WHRN: variants seen among roughly 807,000 people sequenced by gnomAD.
The protein encoded by WHRN is CASK-interacting protein CIP98.
A neutral mutation model predicts 68.3 loss-of-function variants in WHRN; 41 were observed. The observed-to-expected ratio is 0.60, with a 90% CI of 0.47 to 0.78. The LOEUF (loss-of-function observed/expected upper bound fraction) is 0.78, where lower values mean the gene tolerates loss of function less well. Among genes scored for constraint, WHRN ranks in the 30% least tolerant of loss-of-function variants. WHRN has a pLI of 0.00. For missense variants in WHRN, 1,243 were observed against 1,244.7 expected, an observed-to-expected ratio of 1.00 and a Z score of 0.02; for synonymous variants, 560 against 561.3, an observed-to-expected ratio of 1.00 and a Z score of 0.03.
chr9:114,434,021 C>T (rs1296421089), intron 3 of WHRN, among the ~76,000 whole-genome samples: 4 of 152,258 alleles, frequency 2.6e-5, no homozygotes, highest in African/African-American at 9.6e-5. Context: ...GGGGAAAGAA[C>T]TTGCCCAAGG....
intron 3 of WHRN, among the ~76,000 whole-genome samples, chr9:114,451,867 T>C (rs571408555): frequency 6.6e-6 from 1 of 152,332 alleles, no homozygotes; most frequent in South Asian, 2.1e-4. Context: ...GCAAGTTACT[T>C]AACCTCTCTG....
chr9:114,454,728 T>TATG (rs1159021396), intron 3 of WHRN, among the ~76,000 whole-genome samples: 1 of 152,138 alleles, frequency 6.6e-6, no homozygotes, highest in Non-Finnish European at 1.5e-5. Context: ...TAATTTTTTT[T>TATG]ATGGAAATAC....
At chr9:114,487,644 C>T (rs1842654303) in intron 1 of WHRN, among the ~76,000 whole-genome samples, 1 of 152,188 alleles carries the variant, frequency 6.6e-6, no homozygotes, top group African/African-American at 2.4e-5. Flanking sequence ...ATCTAATTCC[C>T]TAAACTAGAG....
intron 3 of WHRN, among the ~76,000 whole-genome samples, chr9:114,461,923 C>T (rs1340403614): frequency 6.6e-6 from 1 of 152,144 alleles, no homozygotes; most frequent in Non-Finnish European, 1.5e-5. Context: ...GTCTGTCTTG[C>T]TCAGAAGCTG....
Position 114,504,246 on chromosome 9 carries a change from C to T in WHRN, c.556G>A (p.Asp186Asn). 1 of 1,614,150 alleles carries T rather than the reference C, an allele frequency of 6.2e-7. No homozygotes were observed. The highest frequency in any genetic ancestry group is 8.5e-7 in the Non-Finnish European group (1 of 1,180,030). ...LAEKEGLRVG[D>N]QILRVNDKSL... ...TTGTCGTTGACGCGCAGAATCTGGT[C>T]CCCGACCCGCAGTCCTTCCTTCTCA... Residue 186 changes from aspartate to asparagine, a missense_variant, in exon 1 of 12, where the codon GAC becomes AAC. Coordinates refer to ENST00000362057, the MANE Select transcript of WHRN (RefSeq NM_015404.4).
At chr9:114,415,178 G>A (rs1835723819) in intron 7 of WHRN, among the ~76,000 whole-genome samples, 1 of 152,016 alleles carries the variant, frequency 6.6e-6, no homozygotes, top group Non-Finnish European at 1.5e-5. Context: ...ATGTGCGCCT[G>A]TGGCCCCAGT....
chr9:114,462,169 G>T (rs1369143881), intron 3 of WHRN, among the ~76,000 whole-genome samples: 1 of 152,178 alleles, frequency 6.6e-6, no homozygotes, highest in South Asian at 2.1e-4. Flanking sequence ...TCTTTGTGCT[G>T]GCTGCCAGGA....
chr9:114,459,450 G>A (rs189486595), intron 3 of WHRN, among the ~76,000 whole-genome samples: 1 of 112,698 alleles, frequency 8.9e-6, no homozygotes, highest in African/African-American at 3.3e-5. Context: ...GCAATAGAGC[G>A]AGAGTTCATC....
chr9:114,437,022 C>A (rs1837919243), intron 3 of WHRN, among the ~76,000 whole-genome samples: 1 of 152,158 alleles, frequency 6.6e-6, no homozygotes, highest in African/African-American at 2.4e-5. Flanking sequence ...CTACCAGACA[C>A]TAAAGCCTGC....
chr9:114,424,524 G>C lies in WHRN; in HGVS notation c.1226C>G (p.Ala409Gly). 1 of 1,613,164 alleles carries C rather than the reference G, an allele frequency of 6.2e-7. No individual in the cohort carries two copies. Among genetic ancestry groups the C allele is most frequent in the Non-Finnish European group, 8.5e-7 (1 of 1,179,608 alleles). ...INKPGFYKGP[A>G]GSQVTLSSLG... is the part of the protein sequence containing the mutation. ...GCTGCTCAGGGTCACCTGGGAGCCG[G>C]CTGGGCCCTTGTAAAATCCTGGCTG... is the stretch of plus-strand genomic sequence containing the variant. The change falls in exon 6 of 12, where the codon GCC becomes GGC. Residue 409 changes from alanine to glycine, a missense_variant. Ala to Gly is a moderately conservative substitution (Grantham distance 60). Coordinates refer to ENST00000362057, the MANE Select transcript of WHRN (RefSeq NM_015404.4).
At chr9:114,464,916 G>A (rs2132935967) in intron 3 of WHRN, among the ~76,000 whole-genome samples, 1 of 152,106 alleles carries the variant, frequency 6.6e-6, no homozygotes, top group African/African-American at 2.4e-5. Context: ...CATAGACTAG[G>A]TAGCTTATAA....
rs748286903 is a variant in WHRN, at chr9:114,406,386, G to A, written c.2205C>T (p.Val735=). Residue 735 remains valine (V), a synonymous_variant, in exon 9 of 12, where the codon GTC becomes GTT. Coordinates refer to ENST00000362057, the MANE Select transcript of WHRN (RefSeq NM_015404.4). ...EVHRPDSEPD[V]NEVRALPQTR... is the part of the protein sequence containing the mutation. Reference sequence around the variant, plus strand: ...TCTGGGGCAGCGCCCTCACTTCATTGACGTCTGGCTCGCTGTCGGGGCGGT... The same window carrying A: ...TCTGGGGCAGCGCCCTCACTTCATTAACGTCTGGCTCGCTGTCGGGGCGGT... The A allele has an allele frequency of 6.2e-7, 1 of 1,614,184 alleles. No individual in the cohort carries two copies. The highest frequency in any genetic ancestry group is 8.5e-7 in the Non-Finnish European group (1 of 1,180,048).
intron 10 of WHRN, 107 bp from the exon 11 acceptor site, chr9:114,403,446 C>T: frequency 6.7e-7 from 1 of 1,485,056 alleles, no homozygotes; most frequent in South Asian, 1.1e-5. Flanking sequence ...GCTCAGGCTC[C>T]AGCCCTGTGT....
intron 3 of WHRN, among the ~76,000 whole-genome samples, chr9:114,462,032 T>C (rs1228563590): frequency 2.6e-5 from 4 of 152,198 alleles, no homozygotes; most frequent in Non-Finnish European, 5.9e-5. Context: ...CGTGCTTACA[T>C]GGAATGTCCA....
chr9:114,437,485 T>G (rs970271708), intron 3 of WHRN, among the ~76,000 whole-genome samples: 6 of 152,162 alleles, frequency 3.9e-5, no homozygotes, highest in African/African-American at 1.4e-4. Flanking sequence ...GGGCTGAATG[T>G]TTGTGTCCCC....
At position 114,424,324 on chromosome 9, in the gene WHRN, C is replaced by T. The variant is rs2132373958; in HGVS notation, c.1416+10G>A. The T allele has an allele frequency of 6.2e-7, 1 of 1,612,196 alleles. No homozygotes were observed. Among genetic ancestry groups the T allele is most frequent in the South Asian group, 1.1e-5 (1 of 90,988 alleles). ...TGCTGAAGCCAGTTGGGAGGCAGGGCACGGGTCACCTTGGCGTGGGTGTTG... is the reference window on the plus strand; with the variant it reads ...TGCTGAAGCCAGTTGGGAGGCAGGGTACGGGTCACCTTGGCGTGGGTGTTG... On this transcript the variant is annotated intron_variant, in intron 6 of 11. Coordinates refer to ENST00000362057, the MANE Select transcript of WHRN (RefSeq NM_015404.4).
chr9:114,504,724 G>A lies in WHRN; in HGVS notation c.78C>T (p.Gly26=). Reference sequence around the variant, plus strand: ...GTAACCGCAGCCCCGCGCCCCCGCCGCCGCCCGCCCCGGCCGCCGAGCCCA... The same window carrying A: ...GTAACCGCAGCCCCGCGCCCCCGCCACCGCCCGCCCCGGCCGCCGAGCCCA... The part of the protein sequence containing the change: ...GSLGSAAGAG[G]GGGAGLRLLS... The change falls in exon 1 of 12, where the codon GGC becomes GGT. Residue 26 remains glycine, a synonymous_variant. Coordinates refer to ENST00000362057, the MANE Select transcript of WHRN (RefSeq NM_015404.4). 6.6e-7 allele frequency: 1 copy of A among 1,509,698 alleles called. No homozygotes were observed. The highest frequency in any genetic ancestry group is 8.8e-7 in the Non-Finnish European group (1 of 1,138,726). 93.5% of individuals were successfully genotyped at this position (1,509,698 alleles called of 1,614,324 possible).
rs138772395 is a variant in WHRN, at chr9:114,494,390, A to AT, written c.618+9793dup. On this transcript the variant is annotated intron_variant, in intron 1 of 11. Transcript: ENST00000362057. ...TGTCTGCATAATCATCAGTATCCCC[A>AT]TTTTAGAGATGAGGAAACCTGAACA... Among the ~76,000 whole-genome samples, 1,244 of 152,332 alleles carry AT rather than the reference A, an allele frequency of 8.2e-3. 10 individuals carry two copies. The highest frequency in any genetic ancestry group is 0.031 in the Middle Eastern group (9 of 294).
At chr9:114,498,549 C>A (rs1367451206) in intron 1 of WHRN, among the ~76,000 whole-genome samples, 1 of 152,172 alleles carries the variant, frequency 6.6e-6, no homozygotes, top group African/African-American at 2.4e-5. Context: ...ATGCATGTCT[C>A]TACTCGACGA....
Sources: allele counts gnomAD v4.1 joint callset (sites outside exome capture counted in the v4.1 genomes callset), GRCh38; gene constraint gnomAD v4.1.1; transcripts MANE v1.5; gene names NCBI Gene and HGNC (gene_info 2026-07-23, HGNC 2026-07-21).